Variants in ADGRL4 observed in about 807,000 individuals in gnomAD.
The protein encoded by ADGRL4 is adhesion G protein-coupled receptor L4, also known as EGF, latrophilin and seven transmembrane domain containing 1.
In ADGRL4, 90 loss-of-function variants were observed where a neutral mutation model predicts 74.8. The observed-to-expected ratio is 1.20, with a 90% CI of 1.02 to 1.43. The LOEUF is 1.43. Among genes scored for constraint, ADGRL4 ranks in the 40% most tolerant of loss-of-function variants. The pLI is 0.00. For missense variants in ADGRL4, 881 were observed against 814.3 expected, an observed-to-expected ratio of 1.08 and a Z score of -1.00; for synonymous variants, 311 against 279.2, an observed-to-expected ratio of 1.11 and a Z score of -1.14.
intron 2 of ADGRL4, among the ~76,000 whole-genome samples, chr1:78,947,182 T>G (rs12406020): frequency 0.12 from 18,472 of 152,162 alleles, 1,273 homozygotes; most frequent in East Asian, 0.33. Flanking sequence ...AAACCCTGTT[T>G]TGGGTTAAAA....
chr1:78,983,380 T>G (rs781658618), intron 2 of ADGRL4, among the ~76,000 whole-genome samples: 19 of 151,350 alleles, frequency 1.3e-4, no homozygotes, highest in Non-Finnish European at 1.8e-4. Context: ...GAGTTTAATA[T>G]ATGTGAAAGC....
chr1:78,922,806 A>T (rs1368460314), intron 8 of ADGRL4, among the ~76,000 whole-genome samples: 1 of 151,990 alleles, frequency 6.6e-6, no homozygotes, highest in African/African-American at 2.4e-5. Context: ...TCAAACTCAA[A>T]TTTTCAGACA....
At chr1:78,912,425 G>T (rs1480232402) in intron 12 of ADGRL4, among the ~76,000 whole-genome samples, 1 of 151,756 alleles carries the variant, frequency 6.6e-6, no homozygotes. Flanking sequence ...AACCAGTACT[G>T]CCTGAGCTCC....
At chr1:78,993,428 T>C (rs1650648889) in intron 2 of ADGRL4, among the ~76,000 whole-genome samples, 1 of 152,178 alleles carries the variant, frequency 6.6e-6, no homozygotes, top group Non-Finnish European at 1.5e-5. Context: ...CTACATAAAG[T>C]TGTGTTTATG....
At chr1:78,912,287 G>A (rs562600301) in intron 12 of ADGRL4, among the ~76,000 whole-genome samples, 2 of 151,962 alleles carry the variant, frequency 1.3e-5, no homozygotes, top group Admixed American at 1.3e-4. Context: ...ACTCTGTTGT[G>A]CCAAGGAGAC....
intron 2 of ADGRL4, among the ~76,000 whole-genome samples, chr1:78,962,742 A>T (rs1198754029): frequency 6.6e-6 from 1 of 150,622 alleles, no homozygotes; most frequent in Non-Finnish European, 1.5e-5. Flanking sequence ...AACTTCAGTG[A>T]TTTTTTTTTT....
At chr1:78,909,784 TAAG>T (rs1648721465) in intron 12 of ADGRL4, among the ~76,000 whole-genome samples, 1 of 151,900 alleles carries the variant, frequency 6.6e-6, no homozygotes. Context: ...TTTCTACTTC[TAAG>T]AAGTAGTTCC....
chr1:78,932,608 C>G (rs1002752454), intron 7 of ADGRL4, among the ~76,000 whole-genome samples: 2 of 86,254 alleles, frequency 2.3e-5, no homozygotes, highest in Non-Finnish European at 2.5e-5. Context: ...ACACAAAAAC[C>G]CCTCCAAAAA....
intron 12 of ADGRL4, among the ~76,000 whole-genome samples, chr1:78,904,092 A>G (rs1230918719): frequency 6.6e-6 from 1 of 151,918 alleles, no homozygotes; most frequent in Admixed American, 6.6e-5. Flanking sequence ...TGGAAAACAA[A>G]TAGAATAATG....
At chr1:78,903,194 C>G (rs1204907380) in intron 12 of ADGRL4, among the ~76,000 whole-genome samples, 1 of 152,100 alleles carries the variant, frequency 6.6e-6, no homozygotes, top group Admixed American at 6.6e-5. Context: ...AGGAATCCAC[C>G]CTCTTTATCT....
intron 2 of ADGRL4, among the ~76,000 whole-genome samples, chr1:78,955,834 G>T (rs907169362): frequency 6.6e-6 from 1 of 151,890 alleles, no homozygotes; most frequent in Non-Finnish European, 1.5e-5. Context: ...TTGTTTCCTT[G>T]ATTTGAAGAT....
At chr1:78,971,189 A>C (rs1353944471) in intron 2 of ADGRL4, among the ~76,000 whole-genome samples, 1 of 152,140 alleles carries the variant, frequency 6.6e-6, no homozygotes, top group Admixed American at 6.6e-5. Context: ...TATTTTCCCC[A>C]AACAGCACCC....
At chr1:78,938,315 T>C (rs780686993) in intron 4 of ADGRL4, 36 bp from the exon 5 acceptor site, 25 of 1,496,772 alleles carry the variant, frequency 1.7e-5, no homozygotes, top group Non-Finnish European at 2.2e-5. Flanking sequence ...GGAAACTAAA[T>C]TAGTTCTACT....
chr1:78,968,550 T>C (rs74093941), intron 2 of ADGRL4, among the ~76,000 whole-genome samples: 69,039 of 143,914 alleles, frequency 0.48, 17,156 homozygotes, highest in Middle Eastern at 0.55. Context: ...TCAATTACCC[T>C]CTAGTGGTAT....
intron 12 of ADGRL4, among the ~76,000 whole-genome samples, chr1:78,905,741 C>A (rs72675845): frequency 1.3e-5 from 2 of 152,040 alleles, no homozygotes; most frequent in African/African-American, 4.8e-5. Flanking sequence ...AGATGCTCAA[C>A]AATCATTTGT....
chr1:78,965,168 G>GT (rs1318935408), intron 2 of ADGRL4, among the ~76,000 whole-genome samples: 2 of 151,994 alleles, frequency 1.3e-5, no homozygotes, highest in Non-Finnish European at 2.9e-5. Context: ...TATTTTGGGA[G>GT]TTTTTTAAAA....
chr1:78,953,551 C>T (rs1649771974), intron 2 of ADGRL4, among the ~76,000 whole-genome samples: 1 of 152,162 alleles, frequency 6.6e-6, no homozygotes. Context: ...ATTTTCTAAC[C>T]TGCTAGAGAA....
At chr1:78,968,104 A>G (rs1444632480) in intron 2 of ADGRL4, among the ~76,000 whole-genome samples, 2 of 152,128 alleles carry the variant, frequency 1.3e-5, no homozygotes, top group African/African-American at 2.4e-5. Flanking sequence ...GCTAACATAT[A>G]TTCCAAAATT....
chr1:78,973,711 G>A (rs1397396385), intron 2 of ADGRL4, among the ~76,000 whole-genome samples: 1 of 146,298 alleles, frequency 6.8e-6, no homozygotes, highest in African/African-American at 2.5e-5. Flanking sequence ...AGCAAATTTT[G>A]CCATTTATAA....
Sources: allele counts gnomAD v4.1 joint callset (sites outside exome capture counted in the v4.1 genomes callset), GRCh38; gene constraint gnomAD v4.1.1; transcripts MANE v1.5; gene names NCBI Gene and HGNC (gene_info 2026-07-23, HGNC 2026-07-21).